Variants in C10orf105 observed in about 807,000 individuals in gnomAD.
C10orf105 encodes the protein uncharacterized protein C10orf105.
Under a neutral mutation model 0.6 loss-of-function variants are expected in C10orf105, and 2 were observed. That is an observed-to-expected ratio of 3.18 (90% CI 1.30 to 10.01). The LOEUF (loss-of-function observed/expected upper bound fraction) is 10.01, where lower values mean the gene tolerates loss of function less well. Among genes scored for constraint, C10orf105 ranks in the 30% most tolerant of loss-of-function variants. C10orf105 has a pLI of 0.04. For synonymous variants in C10orf105, 95 were observed against 82.4 expected (o/e 1.15, Z -0.83); for missense variants, 209 against 191.4 (o/e 1.09, Z -0.54).
rs773105137 is a variant in C10orf105 at position 71,712,727 on chromosome 10, G to A, written c.*3209C>T. ...CACCGTGTTCGTCACTGTCCTGGAT[G>A]TGAATGACAACCGGCCCATCTTTCT... On this transcript the variant is annotated 3_prime_UTR_variant, in exon 2 of 2. Coordinates refer to ENST00000441508, the MANE Select transcript of C10orf105 (RefSeq NM_001164375.3). 8 of 1,613,642 alleles carry A rather than the reference G, an allele frequency of 5.0e-6. No homozygotes were observed. In the African/African-American group the frequency reaches 1.1e-4, roughly 22 times the overall value.
At chr10:71,721,317 C>G (rs994173603), upstream of C10orf105, among the ~76,000 whole-genome samples, 1 of 152,204 alleles carries the variant, frequency 6.6e-6, no homozygotes, top group African/African-American at 2.4e-5. Flanking sequence ...AAGGGGCAAT[C>G]CAGCCATCCC....
At chr10:71,720,648 GGT>G (rs1425509233), upstream of C10orf105, among the ~76,000 whole-genome samples, 2 of 152,178 alleles carry the variant, frequency 1.3e-5, no homozygotes, top group Non-Finnish European at 2.9e-5. Flanking sequence ...CCCAGTTTCT[GGT>G]TTTTAGCTGT....
chr10:71,716,149 C>T lies in C10orf105; in HGVS notation c.189G>A (p.Ala63=), dbSNP rs1048415826. ...LLFMTLCKPA[A]LDPSRRRAHE... ...GAGCCCTGCGGCGGCTCGGGTCCAG[C>T]GCGGCCGGCTTGCAGAGCGTCATGA... Residue 63 remains alanine (A), a synonymous_variant, in exon 2 of 2, where the codon GCG becomes GCA. Transcript: ENST00000441508. 2 of 1,550,272 alleles carry T rather than the reference C, an allele frequency of 1.3e-6. No homozygotes were observed. The highest frequency in any genetic ancestry group is 1.7e-6 in the Non-Finnish European group (2 of 1,146,642).
intron 1 of C10orf105, among the ~76,000 whole-genome samples, chr10:71,731,430 C>T (rs1487448564): frequency 2.0e-5 from 3 of 152,178 alleles, no homozygotes; most frequent in Non-Finnish European, 4.4e-5. Context: ...GGCACATACG[C>T]GGCTGTGGCC....
chr10:71,720,364 A>C (rs982103950), upstream of C10orf105, among the ~76,000 whole-genome samples: 2 of 151,762 alleles, frequency 1.3e-5, no homozygotes, highest in African/African-American at 4.8e-5. Context: ...CTCCAAGGCC[A>C]TGCTCCCCAC....
rs766984170 is a variant in C10orf105, at chr10:71,734,377, G to T, written c.-6+3351C>A. 5 of 1,568,070 alleles carry T rather than the reference G, an allele frequency of 3.2e-6. No homozygotes were observed. In the South Asian group the frequency reaches 5.8e-5, roughly 18 times the overall value. On this transcript the variant is annotated intron_variant, in intron 1 of 1. Transcript: ENST00000398786. ...CCAGGGTGAGAGTCCCTCAGGTGCG[G>T]CCCATCGCTGGCCATGACACTTCCT...
chr10:71,734,442 C>T, intron 1 of C10orf105: 2 of 1,476,754 alleles, frequency 1.4e-6, no homozygotes, highest in Admixed American at 3.9e-5. Flanking sequence ...ATGGGCCAGG[C>T]AGCGGGCGAG....
intron 1 of C10orf105, chr10:71,725,623 C>A: frequency 7.4e-7 from 1 of 1,347,242 alleles, no homozygotes; most frequent in South Asian, 1.4e-5. Flanking sequence ...GCAGGGCCAC[C>A]ACTGATTTAG....
chr10:71,736,435 G>T (rs1839568016), intron 1 of C10orf105, among the ~76,000 whole-genome samples: 1 of 152,224 alleles, frequency 6.6e-6, no homozygotes, highest in Non-Finnish European at 1.5e-5. Flanking sequence ...GGCCCCAGAA[G>T]GAGTGGTCAG....
chr10:71,731,114 G>T (rs1257893791), intron 1 of C10orf105, among the ~76,000 whole-genome samples: 1 of 152,246 alleles, frequency 6.6e-6, no homozygotes, highest in Non-Finnish European at 1.5e-5. Context: ...CCAAGCCCCA[G>T]AGGCGGCCAC....
chr10:71,730,392 G>T, intron 1 of C10orf105: 2 of 1,550,076 alleles, frequency 1.3e-6, no homozygotes, highest in South Asian at 1.2e-5. Context: ...CACACAAGGC[G>T]GCCACAGTGG....
At chr10:71,721,514 G>A (rs1195098305), upstream of C10orf105, among the ~76,000 whole-genome samples, 2 of 152,180 alleles carry the variant, frequency 1.3e-5, no homozygotes, top group Admixed American at 6.5e-5. Flanking sequence ...GAGGCTCAAG[G>A]GGGCTAAAGT....
At chr10:71,722,963 G>A (rs10999974), upstream of C10orf105, among the ~76,000 whole-genome samples, 4,759 of 152,256 alleles carry the variant, frequency 0.031, 123 homozygotes, top group East Asian at 0.096. Flanking sequence ...ATCTCTCTGG[G>A]CCCAAGGTCA....
At chr10:71,721,283 T>C (rs1008089290), upstream of C10orf105, among the ~76,000 whole-genome samples, 3 of 152,116 alleles carry the variant, frequency 2.0e-5, no homozygotes, top group Non-Finnish European at 4.4e-5. Flanking sequence ...TCTCAGGGAA[T>C]GGAGAGAGAA....
chr10:71,732,342 G>A, intron 1 of C10orf105: 1 of 1,580,554 alleles, frequency 6.3e-7, no homozygotes, highest in Non-Finnish European at 8.6e-7. Flanking sequence ...CCAGCACCCA[G>A]GCCAAAGCCC....
chr10:71,734,254 C>G, intron 1 of C10orf105: 1 of 1,610,826 alleles, frequency 6.2e-7, no homozygotes, highest in East Asian at 2.2e-5. Flanking sequence ...TGATCACAGT[C>G]CAGGGCCTGG....
chr10:71,715,811 G>T lies in C10orf105; in HGVS notation c.*125C>A, dbSNP rs1866191522. 2.2e-6 allele frequency: 2 copies of T among 927,226 alleles called. No homozygotes were observed. Among genetic ancestry groups the T allele is most frequent in the African/African-American group, 1.7e-5 (1 of 57,622 alleles). 57.4% of individuals were successfully genotyped at this position (927,226 alleles called of 1,614,324 possible). A position where few individuals can be genotyped will look rare whatever the true frequency, so the allele number is the denominator to read the frequency against. ...GCCTGGGCATGCAAGGAGCTTCGGG[G>T]GGTGAGTGTGTGTCCCAGACTGCTT... On this transcript the variant is annotated 3_prime_UTR_variant, in exon 2 of 2. Coordinates refer to ENST00000441508, the MANE Select transcript of C10orf105 (RefSeq NM_001164375.3).
upstream of C10orf105, among the ~76,000 whole-genome samples, chr10:71,723,420 C>G (rs1443950442): frequency 6.6e-6 from 1 of 152,172 alleles, no homozygotes; most frequent in African/African-American, 2.4e-5. Flanking sequence ...CCCCCACACA[C>G]AAGCCCACCA....
chr10:71,716,333 C>T lies in C10orf105; in HGVS notation c.5G>A (p.Ser2Asn). 1 of 1,471,988 alleles carries T rather than the reference C, an allele frequency of 6.8e-7. No individual in the cohort carries two copies. The highest frequency in any genetic ancestry group is 9.0e-7 in the Non-Finnish European group (1 of 1,106,900). 91.2% of individuals were successfully genotyped at this position (1,471,988 alleles called of 1,614,324 possible). A position where few individuals can be genotyped will look rare whatever the true frequency, so the allele number is the denominator to read the frequency against. The change falls in exon 2 of 2, where the codon AGC becomes AAC. Residue 2 changes from serine (S) to asparagine (N), a missense_variant. By Grantham distance (46) the Ser-to-Asn change is conservative. Coordinates refer to ENST00000441508, the MANE Select transcript of C10orf105 (RefSeq NM_001164375.3). M[S>N]TEGPSLASSP... is the part of the protein sequence containing the mutation. Reference sequence around the variant, plus strand: ...GCTGGCGAGGCTGGGGCCCTCTGTGCTCATGGCTCCTGCAACAGCAACAAG... The same window carrying T: ...GCTGGCGAGGCTGGGGCCCTCTGTGTTCATGGCTCCTGCAACAGCAACAAG...
Sources: allele counts gnomAD v4.1 joint callset (sites outside exome capture counted in the v4.1 genomes callset), GRCh38; gene constraint gnomAD v4.1.1; transcripts MANE v1.5; gene names NCBI Gene and HGNC (gene_info 2026-07-23, HGNC 2026-07-21).